The following LUZP2 variants were observed in gnomAD, a reference collection of about 807,000 sequenced individuals.
The protein encoded by LUZP2 is leucine zipper protein 2.
In LUZP2, 52 loss-of-function variants were observed where a neutral mutation model predicts 51.6. That is an observed-to-expected ratio of 1.01 (90% confidence interval 0.81 to 1.27). The LOEUF (loss-of-function observed/expected upper bound fraction) is 1.27. LUZP2 is among the 50% of genes most tolerant of loss of function. LUZP2 has a pLI of 0.00. For synonymous variants in LUZP2, 154 were observed against 137.3 expected (o/e 1.12, Z -0.85); for missense variants, 436 against 395.4 (o/e 1.10, Z -0.87).
chr11:25,015,308 C>A (rs1020773356), intron 9 of LUZP2, among the ~76,000 whole-genome samples: 1 of 152,148 alleles, frequency 6.6e-6, no homozygotes, highest in Non-Finnish European at 1.5e-5. Flanking sequence ...TCAGCTTCCC[C>A]TAATGTTAAC....
chr11:24,627,713 C>A (rs1854731644), intron 1 of LUZP2, among the ~76,000 whole-genome samples: 1 of 152,150 alleles, frequency 6.6e-6, no homozygotes, highest in East Asian at 1.9e-4. Context: ...GAAGTACTGA[C>A]AATTCCAGTG....
intron 7 of LUZP2, among the ~76,000 whole-genome samples, chr11:24,960,637 T>C (rs548402946): frequency 1.5e-3 from 229 of 152,240 alleles, no homozygotes; most frequent in African/African-American, 5.4e-3. Flanking sequence ...TCTTCTCTCT[T>C]TTTTTCTTTA....
intron 7 of LUZP2, among the ~76,000 whole-genome samples, chr11:24,933,987 G>A (rs1007976475): frequency 2.0e-5 from 3 of 152,276 alleles, no homozygotes; most frequent in East Asian, 1.9e-4. Context: ...ATATTACAAT[G>A]TACCTTCTCA....
intron 5 of LUZP2, among the ~76,000 whole-genome samples, chr11:24,838,417 T>C (rs1320136217): frequency 6.6e-6 from 1 of 151,678 alleles, no homozygotes; most frequent in African/African-American, 2.4e-5. Flanking sequence ...TCCATGATTA[T>C]AGATTAGCTG....
intron 7 of LUZP2, among the ~76,000 whole-genome samples, chr11:24,936,089 A>G (rs891416901): frequency 4.7e-5 from 7 of 150,036 alleles, no homozygotes; most frequent in African/African-American, 1.8e-4. Flanking sequence ...ATAAAAGAGA[A>G]GAAGACATTT....
At chr11:25,010,575 G>T (rs1856952915) in intron 9 of LUZP2, among the ~76,000 whole-genome samples, 1 of 147,974 alleles carries the variant, frequency 6.8e-6, no homozygotes, top group Non-Finnish European at 1.5e-5. Flanking sequence ...GGCCGGGAGT[G>T]GTGGCTCACA....
intron 5 of LUZP2, among the ~76,000 whole-genome samples, chr11:24,763,862 T>A (rs80279424): frequency 0.024 from 3,648 of 152,306 alleles, 172 homozygotes; most frequent in African/African-American, 0.084. Flanking sequence ...CTCCATTACC[T>A]ATTTCTACCT....
intron 1 of LUZP2, among the ~76,000 whole-genome samples, chr11:24,603,997 C>A (rs1016127397): frequency 6.6e-6 from 1 of 151,700 alleles, no homozygotes; most frequent in East Asian, 1.9e-4. Flanking sequence ...TTATCTACAG[C>A]ACATTCAATT....
At chr11:24,516,655 G>GT (rs1307566256) in intron 1 of LUZP2, among the ~76,000 whole-genome samples, 1 of 152,140 alleles carries the variant, frequency 6.6e-6, no homozygotes, top group Non-Finnish European at 1.5e-5. Flanking sequence ...TGTGAGAAAG[G>GT]TAAGAGAGAA....
chr11:25,065,169 CAAT>C (rs1858963190), intron 10 of LUZP2, among the ~76,000 whole-genome samples: 1 of 151,956 alleles, frequency 6.6e-6, no homozygotes, highest in African/African-American at 2.4e-5. Flanking sequence ...TTCTTGTAGT[CAAT>C]GATGATTTTG....
chr11:24,532,353 A>G (rs1214032982), intron 1 of LUZP2, among the ~76,000 whole-genome samples: 2 of 151,060 alleles, frequency 1.3e-5, no homozygotes, highest in Non-Finnish European at 3.0e-5. Flanking sequence ...ATTTAAATTA[A>G]AGTCTAAACA....
chr11:24,505,932 A>T (rs2133762663), intron 1 of LUZP2, among the ~76,000 whole-genome samples: 1 of 151,762 alleles, frequency 6.6e-6, no homozygotes, highest in African/African-American at 2.4e-5. Context: ...GTATAAAATA[A>T]TTGTTACAAT....
chr11:24,860,615 C>T (rs990934974), intron 5 of LUZP2, among the ~76,000 whole-genome samples: 1 of 152,146 alleles, frequency 6.6e-6, no homozygotes, highest in Non-Finnish European at 1.5e-5. Flanking sequence ...TATTCTCCAG[C>T]CTCTTTTAGT....
At chr11:24,655,284 G>C (rs890685890) in intron 1 of LUZP2, among the ~76,000 whole-genome samples, 7 of 152,016 alleles carry the variant, frequency 4.6e-5, no homozygotes, top group African/African-American at 7.2e-5. Context: ...AATTATACAC[G>C]ATTTTATTAC....
intron 5 of LUZP2, among the ~76,000 whole-genome samples, chr11:24,780,740 T>C (rs1456773925): frequency 1.3e-5 from 2 of 152,184 alleles, no homozygotes; most frequent in African/African-American, 4.8e-5. Flanking sequence ...TGTTCATTTT[T>C]AATGGAATGT....
intron 1 of LUZP2, among the ~76,000 whole-genome samples, chr11:24,702,141 T>C (rs1857438508): frequency 6.6e-6 from 1 of 152,184 alleles, no homozygotes. Flanking sequence ...TTGTGAATTG[T>C]TGGTAGTTAT....
intron 1 of LUZP2, among the ~76,000 whole-genome samples, chr11:24,561,984 T>C (rs1004014706): frequency 6.6e-6 from 1 of 152,132 alleles, no homozygotes; most frequent in Non-Finnish European, 1.5e-5. Context: ...AGATGTTTTT[T>C]ATATGAAACA....
At chr11:24,734,770 G>A (rs777771651) in intron 3 of LUZP2, among the ~76,000 whole-genome samples, 1 of 151,876 alleles carries the variant, frequency 6.6e-6, no homozygotes, top group African/African-American at 2.4e-5. Flanking sequence ...ATCACCTTTG[G>A]TTATCAAAAA....
At chr11:24,658,812 A>G (rs535199074) in intron 1 of LUZP2, among the ~76,000 whole-genome samples, 10 of 152,354 alleles carry the variant, frequency 6.6e-5, no homozygotes, top group African/African-American at 2.4e-4. Context: ...AAACAGACAC[A>G]TGAAAAAATG....
Sources: gnomAD v4.1 joint callset for allele counts (sites outside exome capture counted in the v4.1 genomes callset) on GRCh38, gnomAD v4.1.1 for gene constraint, MANE v1.5 for transcripts, NCBI Gene and HGNC (gene_info 2026-07-23, HGNC 2026-07-21) for gene names.